Variants in RPS3A observed in about 807,000 individuals in gnomAD.
RPS3A encodes the protein ribosomal protein S3A, also known as small ribosomal subunit protein eS1.
A neutral mutation model predicts 26.4 loss-of-function variants in RPS3A; 1 was observed. The observed-to-expected ratio is 0.04, with a 90% confidence interval of 0.01 to 0.18. The LOEUF (loss-of-function observed/expected upper bound fraction) is 0.18. Among genes scored for constraint, RPS3A ranks in the 10% least tolerant of loss-of-function variants. The pLI, the probability that RPS3A is intolerant of heterozygous loss-of-function variation, is 1.00. For missense variants in RPS3A, 139 were observed against 326.8 expected (o/e 0.43, Z 4.43); for synonymous variants, 97 against 106.1 (o/e 0.91, Z 0.53).
At position 151,099,662 on chromosome 4, in the gene RPS3A, G is replaced by T; in HGVS notation, c.10G>T (p.Gly4Cys). The T allele has an allele frequency of 1.2e-6, 2 of 1,614,010 alleles. No homozygotes were observed. Among genetic ancestry groups the T allele is most frequent in the Admixed American group, 1.7e-5 (1 of 60,018 alleles). ...CTCTCTGACCAGCACCATGGCGGTT[G>T]GCAAGAACAAGCGCCTTACGAAAGG... Reference protein sequence around the residue: MAVGKNKRLTKGGK... With the variant: MAVCKNKRLTKGGK... The change falls in exon 1 of 6, where the codon GGC (glycine) becomes TGC (cysteine). Residue 4 changes from glycine (G) to cysteine (C), a missense_variant. This residue lies in a region of RPS3A where 35 missense variants were observed against 60.1 expected (regional missense o/e 0.58). Coordinates refer to ENST00000274065, the MANE Select transcript of RPS3A (RefSeq NM_001006.5).
Position 151,099,750 on chromosome 4 carries a change from G to A in RPS3A, c.62+36G>A, listed in dbSNP as rs1315747487. On this transcript the variant is annotated intron_variant, in intron 1 of 5. Transcript: ENST00000274065. ...ACTGTCGTGGCGTCTTGCTTTTTGGGGGTCTGCTGGAATCGGCGGGCTGGT... is the reference window on the plus strand; with the variant it reads ...ACTGTCGTGGCGTCTTGCTTTTTGGAGGTCTGCTGGAATCGGCGGGCTGGT... The A allele has an allele frequency of 3.1e-6, 5 of 1,593,404 alleles. No individual in the cohort carries two copies. The East Asian group carries it at 1.1e-4, about 36-fold the overall frequency.
chr4:151,100,628 G>T (rs767581313), intron 2 of RPS3A, 40 bp downstream of exon 2: 22 of 1,203,470 alleles, frequency 1.8e-5, no homozygotes, highest in Non-Finnish European at 2.7e-5. Context: ...CCTTAAGTTG[G>T]CGCTTGTATA....
intron 2 of RPS3A, 89 bp from the exon 3 acceptor site, chr4:151,100,886 C>T (rs766094167): frequency 3.9e-5 from 34 of 874,212 alleles, no homozygotes; most frequent in Non-Finnish European, 5.6e-5. Context: ...TATAATTTAC[C>T]ATTAACTTAA....
chr4:151,101,770 T>C (rs1194041790), intron 3 of RPS3A, among the ~76,000 whole-genome samples: 2 of 152,214 alleles, frequency 1.3e-5, no homozygotes, highest in Non-Finnish European at 2.9e-5. Flanking sequence ...GAGTCTCTTA[T>C]CGTCCGGGCT....
At position 151,100,409 on chromosome 4, in the gene RPS3A, G is replaced by A. The variant is rs965675996; in HGVS notation, c.63-76G>A. 1.9e-5 allele frequency: 16 copies of A among 830,162 alleles called. 1 individual carries two copies. The Admixed American group carries it at 2.8e-4, about 15-fold the overall frequency. 51.4% of individuals were successfully genotyped at this position (830,162 alleles called of 1,614,324 possible). A position where few individuals can be genotyped will look rare whatever the true frequency, so the allele number is the denominator to read the frequency against. ...CCGGTTAGCTTTTTAAAATATTAAT[G>A]GGAAATACCATTAACAGTGAAAAAT... On this transcript the variant is annotated intron_variant, in intron 1 of 5. Transcript: ENST00000274065.
At chr4:151,100,031 G>T in intron 1 of RPS3A, 1 of 600,108 alleles carries the variant, frequency 1.7e-6, no homozygotes, top group Admixed American at 2.1e-5. Context: ...GCGACAGCAG[G>T]AGTTGAGGAA....
At chr4:151,102,631 G>T in intron 3 of RPS3A, 1 of 496,802 alleles carries the variant, frequency 2.0e-6, no homozygotes, top group Non-Finnish European at 3.6e-6. Flanking sequence ...TGTTAATGGA[G>T]GGTAGAAAGG....
intron 5 of RPS3A, 31 bp from the exon 6 acceptor site, chr4:151,104,439 GTT>G (rs386401872): frequency 6.6e-3 from 4,699 of 708,510 alleles, no homozygotes; most frequent in East Asian, 0.024. Flanking sequence ...CAGTTTTTTG[GTT>G]TTTTTTTTTT....
At position 151,100,599 on chromosome 4, in the gene RPS3A, T is replaced by C. The variant is rs1294668393; in HGVS notation, c.166+11T>C. 2 of 1,466,732 alleles carry C rather than the reference T, an allele frequency of 1.4e-6. No homozygotes were observed. The highest frequency in any genetic ancestry group is 2.8e-5 in the African/African-American group (2 of 71,826). The allele number at this position is 1,466,732 out of a possible 1,614,324, so 90.9% of individuals were successfully genotyped here. On this transcript the variant is annotated intron_variant, in intron 2 of 5. Coordinates refer to ENST00000274065, the MANE Select transcript of RPS3A (RefSeq NM_001006.5). ...GGACCCAAGGAACCAGTAAGTAGCT[T>C]ATTCTTGGTTTGTATTTTCCTTAAG...
Position 151,099,664 on chromosome 4 carries a change from C to G in RPS3A, c.12C>G (p.Gly4=), listed in dbSNP as rs369867797. The change falls in exon 1 of 6, where the codon GGC becomes GGG. Residue 4 remains glycine (G), a synonymous_variant. Coordinates refer to ENST00000274065, the MANE Select transcript of RPS3A (RefSeq NM_001006.5). The stretch of plus-strand genomic sequence containing the variant: ...CTCTGACCAGCACCATGGCGGTTGG[C>G]AAGAACAAGCGCCTTACGAAAGGCG... The part of the protein sequence containing the change: MAV[G]KNKRLTKGGK... 2.5e-5 allele frequency: 40 copies of G among 1,613,834 alleles called. No individual in the cohort carries two copies. In the South Asian group the frequency reaches 4.0e-4, roughly 16 times the overall value.
intron 5 of RPS3A, 33 bp from the exon 6 acceptor site, chr4:151,104,439 G>GTTTTTTTTTTGTT: frequency 2.8e-6 from 2 of 710,324 alleles, no homozygotes; most frequent in Non-Finnish European, 1.8e-6. Context: ...CAGTTTTTTG[G>GTTTTTTTTTTGTT]TTTTTTTTTT....
At chr4:151,102,832 G>T in intron 3 of RPS3A, 39 bp from the exon 4 acceptor site, 12 of 1,586,788 alleles carry the variant, frequency 7.6e-6, no homozygotes, top group Non-Finnish European at 1.0e-5. Context: ...AATGGATAAC[G>T]TAAAACCTGT....
At chr4:151,101,249 T>A (rs1747102517) in intron 3 of RPS3A, 87 bp downstream of exon 3, 1 of 755,614 alleles carries the variant, frequency 1.3e-6, no homozygotes, top group East Asian at 2.9e-5. Flanking sequence ...AGCAAGTTCA[T>A]TTTATTTATT....
chr4:151,104,158 T>C lies in RPS3A; in HGVS notation c.564-19T>C, dbSNP rs954988780. 1 of 1,588,830 alleles carries C rather than the reference T, an allele frequency of 6.3e-7. No individual in the cohort carries two copies. Among genetic ancestry groups the C allele is most frequent in the Non-Finnish European group, 8.5e-7 (1 of 1,173,748 alleles). On this transcript the variant is annotated intron_variant, in intron 4 of 5. Transcript: ENST00000274065. ...GAACTAGGACTTTTAGAAAAAAATT[T>C]ACTGTTACTGGTTTGCAGGATTCCA... is the stretch of plus-strand genomic sequence containing the variant.
In RPS3A at chr4:151,099,986, G is replaced by C. The variant is rs567922007; in HGVS notation, c.62+272G>C. 3.0e-4 allele frequency: 195 copies of C among 649,490 alleles called. 1 individual carries two copies. The highest frequency in any genetic ancestry group is 2.9e-3 in the South Asian group (189 of 66,238). The allele number at this position is 649,490 out of a possible 1,614,324, so 40.2% of individuals were successfully genotyped here. A position where few individuals can be genotyped will look rare whatever the true frequency, so the allele number is the denominator to read the frequency against. ...TGGAATGTTAGTTTTGTGGGCTCACGAGCTGCCTCAATTCTGCGAGTGTTT... is the reference window on the plus strand; with the variant it reads ...TGGAATGTTAGTTTTGTGGGCTCACCAGCTGCCTCAATTCTGCGAGTGTTT... On this transcript the variant is annotated intron_variant, in intron 1 of 5. Transcript: ENST00000274065.
chr4:151,103,885 T>C (rs1365242944), intron 4 of RPS3A: 5 of 1,443,276 alleles, frequency 3.5e-6, no homozygotes, highest in Non-Finnish European at 4.6e-6. Flanking sequence ...AACATTTTTC[T>C]GATGTTCCCA....
At chr4:151,100,700 C>G in intron 2 of RPS3A, 112 bp downstream of exon 2, 1 of 701,652 alleles carries the variant, frequency 1.4e-6, no homozygotes, top group Non-Finnish European at 2.5e-6. Context: ...GAAATGTCAG[C>G]TCTTGGTTGC....
intron 4 of RPS3A, 153 bp downstream of exon 4, chr4:151,103,232 A>T: frequency 7.4e-7 from 1 of 1,345,222 alleles, no homozygotes; most frequent in Non-Finnish European, 9.8e-7. Context: ...AGTGTTAAGT[A>T]CTCAGTAAAT....
intron 4 of RPS3A, 196 bp downstream of exon 4, chr4:151,103,275 A>G (rs1444748942): frequency 1.8e-6 from 2 of 1,119,408 alleles, no homozygotes; most frequent in Non-Finnish European, 2.4e-6. Context: ...TTTGAGTCAG[A>G]GTCTTGCTCT....
Sources: gnomAD v4.1 joint callset for allele counts (sites outside exome capture counted in the v4.1 genomes callset) on GRCh38, gnomAD v4.1.1 for gene constraint, gnomAD v4.1.1 regional missense constraint, MANE v1.5 for transcripts, NCBI Gene and HGNC (gene_info 2026-07-23, HGNC 2026-07-21) for gene names.